Variants in CLEC20A observed in about 807,000 individuals in gnomAD.
CLEC20A encodes the protein C-type lectin domain containing 20A.
chr1:178,482,624 C>T (rs1649019714), intron 6 of CLEC20A: 1 of 372,736 alleles, frequency 2.7e-6, no homozygotes, highest in Admixed American at 4.6e-5. Flanking sequence ...AAGTCTTCCA[C>T]AGCCTGGCTA....
chr1:178,483,271 C>T, exon 6 of CLEC20A: 1 of 398,628 alleles, frequency 2.5e-6, no homozygotes. Flanking sequence ...CCACTCCCTA[C>T]ACTGGCCACA....
At chr1:178,485,755 T>G (rs1183999079) in intron 5 of CLEC20A, among the ~76,000 whole-genome samples, 1 of 152,174 alleles carries the variant, frequency 6.6e-6, no homozygotes, top group African/African-American at 2.4e-5. Flanking sequence ...TTAAATCATC[T>G]ACCAATGTGC....
At chr1:178,486,321 GCCTGCAC>G in intron 5 of CLEC20A, 1 of 397,762 alleles carries the variant, frequency 2.5e-6, no homozygotes, top group Non-Finnish European at 4.4e-6. Context: ...CAACTCCCTG[GCCTGCAC>G]CCTACTCATG....
chr1:178,490,114 A>C, exon 4 of CLEC20A: 1 of 398,768 alleles, frequency 2.5e-6, no homozygotes, highest in Non-Finnish European at 4.4e-6. Flanking sequence ...CAGTTCACTG[A>C]GTACACTTTT....
chr1:178,488,373 C>T (rs547011000), intron 5 of CLEC20A, 128 bp downstream of exon 5: 40 of 396,300 alleles, frequency 1.0e-4, no homozygotes, highest in Non-Finnish European at 1.6e-4. Context: ...ACTGCCACCC[C>T]CTTAGCTCAC....
intron 5 of CLEC20A, among the ~76,000 whole-genome samples, chr1:178,488,292 C>T (rs1482472777): frequency 2.0e-5 from 3 of 152,268 alleles, no homozygotes; most frequent in African/African-American, 4.8e-5. Flanking sequence ...CCCAGTCCTC[C>T]TTCCCCAGCC....
At chr1:178,495,661 G>A (rs1649372728) in intron 1 of CLEC20A, among the ~76,000 whole-genome samples, 1 of 151,924 alleles carries the variant, frequency 6.6e-6, no homozygotes, top group Non-Finnish European at 1.5e-5. Context: ...GTATTGAAAA[G>A]GAAGGAAGAG....
At chr1:178,494,430 C>G (rs747642673) in intron 2 of CLEC20A, 24 bp downstream of exon 2, 32 of 400,208 alleles carry the variant, frequency 8.0e-5, no homozygotes, top group Middle Eastern at 6.3e-4. Context: ...AAAGACCAAG[C>G]CTGAAATATG....
At chr1:178,495,697 A>G (rs1054881545) in intron 1 of CLEC20A, among the ~76,000 whole-genome samples, 2 of 152,098 alleles carry the variant, frequency 1.3e-5, no homozygotes, top group African/African-American at 4.8e-5. Flanking sequence ...GGAAGGAAGG[A>G]AGGGAGGGAG....
intron 1 of CLEC20A, chr1:178,495,933 AACCCTTC>A (rs1419607050): frequency 6.6e-6 from 1 of 152,466 alleles, no homozygotes; most frequent in Non-Finnish European, 1.5e-5. Flanking sequence ...GGCCACAAGG[AACCCTTC>A]AAGCTAAATG....
At chr1:178,485,914 A>G (rs993869409) in intron 5 of CLEC20A, among the ~76,000 whole-genome samples, 15 of 152,282 alleles carry the variant, frequency 9.9e-5, no homozygotes, top group African/African-American at 3.6e-4. Flanking sequence ...GAGAGGTGGG[A>G]GAAGGAGTGA....
upstream of CLEC20A, among the ~76,000 whole-genome samples, chr1:178,498,420 C>T (rs59986810): frequency 0.35 from 52,773 of 151,794 alleles, 10,920 homozygotes; most frequent in South Asian, 0.5. Context: ...AGTGAGACTC[C>T]ATCTCTACAA....
chr1:178,483,195 T>C, exon 6 of CLEC20A: 2 of 398,634 alleles, frequency 5.0e-6, no homozygotes, highest in Non-Finnish European at 8.8e-6. Context: ...TGCTGATGTT[T>C]TTTCTTTAGA....
chr1:178,488,599 TC>T lies in CLEC20A; in HGVS notation c.830-1del, dbSNP rs1246602697. The T allele has an allele frequency of 5.0e-6, 2 of 398,092 alleles. No individual in the cohort carries two copies. Among genetic ancestry groups the T allele is most frequent in the Non-Finnish European group, 8.8e-6 (2 of 226,056 alleles). The allele number at this position is 398,092 out of a possible 1,614,324, so 24.7% of individuals were successfully genotyped here. ...TGATGCCCGGTGTCCAGTGGAGGAG[TC>T]TGCAAGAAAACAGAGTGAGTGTGAG... is the stretch of plus-strand genomic sequence containing the variant. On this transcript the variant is annotated splice_acceptor_variant, in intron 4 of 7. Transcript: ENST00000623247. LOFTEE classifies it high-confidence loss of function.
intron 3 of CLEC20A, among the ~76,000 whole-genome samples, chr1:178,491,064 A>G (rs1649255697): frequency 6.6e-6 from 1 of 152,218 alleles, no homozygotes; most frequent in Admixed American, 6.5e-5. Flanking sequence ...GAGCAGGCTC[A>G]GTGGCCTTGC....
chr1:178,479,512 A>G (rs1648889160), exon 8 of CLEC20A: 1 of 398,364 alleles, frequency 2.5e-6, no homozygotes. Flanking sequence ...CATGAAACAG[A>G]AACTGCATAT....
At chr1:178,485,656 C>T (rs1649115154) in intron 5 of CLEC20A, among the ~76,000 whole-genome samples, 1 of 152,176 alleles carries the variant, frequency 6.6e-6, no homozygotes, top group South Asian at 2.1e-4. Context: ...AGACCATGTG[C>T]TTCTAAAAAC....
upstream of CLEC20A, among the ~76,000 whole-genome samples, chr1:178,499,075 C>T (rs1044484226): frequency 4.6e-5 from 7 of 152,168 alleles, no homozygotes; most frequent in Non-Finnish European, 8.8e-5. Flanking sequence ...CTCCCCCAGT[C>T]GTCTCCCTCA....
intron 5 of CLEC20A, among the ~76,000 whole-genome samples, chr1:178,488,204 T>C (rs1310996448): frequency 6.6e-6 from 1 of 152,230 alleles, no homozygotes; most frequent in Non-Finnish European, 1.5e-5. Flanking sequence ...TGAGAGACCG[T>C]ACGGCCTCTC....
Sources: allele counts gnomAD v4.1 joint callset (sites outside exome capture counted in the v4.1 genomes callset), GRCh38; gene constraint gnomAD v4.1.1; transcripts MANE v1.5; gene names NCBI Gene and HGNC (gene_info 2026-07-23, HGNC 2026-07-21).